The following SLC25A33 variants were observed in gnomAD, a reference collection of about 807,000 sequenced individuals.
The protein encoded by SLC25A33 is solute carrier family 25 member 33, also known as bone marrow stromal cell mitochondrial carrier protein.
A neutral mutation model predicts 35.5 loss-of-function variants in SLC25A33; 15 were observed. The observed-to-expected ratio is 0.42, with a 90% CI of 0.28 to 0.65. SLC25A33 has a LOEUF of 0.65. Ranked by LOEUF, SLC25A33 falls within the 30% of genes least tolerant of loss-of-function variation. The pLI, the probability that SLC25A33 is intolerant of heterozygous loss-of-function variation, is 0.20. For synonymous variants in SLC25A33, 136 were observed against 148.7 expected (o/e 0.91, Z 0.62); for missense variants, 257 against 398.5 (o/e 0.64, Z 3.02).
intron 2 of SLC25A33, among the ~76,000 whole-genome samples, chr1:9,561,477 G>T (rs1289051975): frequency 6.6e-6 from 1 of 152,010 alleles, no homozygotes; most frequent in Non-Finnish European, 1.5e-5. Context: ...AATGAGTCTG[G>T]ATCCTTCTGG....
At chr1:9,577,755 A>G (rs1643682863) in intron 5 of SLC25A33, among the ~76,000 whole-genome samples, 1 of 152,114 alleles carries the variant, frequency 6.6e-6, no homozygotes, top group Admixed American at 6.5e-5. Flanking sequence ...TTCAGCATTT[A>G]AGTTTGGAGA....
At chr1:9,571,120 A>T (rs183696555) in intron 4 of SLC25A33, among the ~76,000 whole-genome samples, 1 of 152,110 alleles carries the variant, frequency 6.6e-6, no homozygotes, top group African/African-American at 2.4e-5. Context: ...GGGTTATGCA[A>T]TGAGGGTGTA....
At chr1:9,567,409 C>T in intron 3 of SLC25A33, 48 bp downstream of exon 3, 2 of 1,543,300 alleles carry the variant, frequency 1.3e-6, no homozygotes, top group Non-Finnish European at 1.8e-6. Flanking sequence ...GTATGGAATT[C>T]TGGGTCCTTT....
Position 9,582,630 on chromosome 1 carries a change from G to A in SLC25A33, c.*129G>A. Reference sequence around the variant, plus strand: ...ATAAAATATCTGGTTCATATCACCTGTTGGACATTTCCTTTTGGATTCATG... The same window carrying A: ...ATAAAATATCTGGTTCATATCACCTATTGGACATTTCCTTTTGGATTCATG... On this transcript the variant is annotated 3_prime_UTR_variant, in exon 7 of 7. Transcript: ENST00000302692. The surrounding 1 kb of genome is among the most constrained non-coding windows in gnomAD (Gnocchi z 4.0). 1 of 826,608 alleles carries A rather than the reference G, an allele frequency of 1.2e-6. No individual in the cohort carries two copies. Among genetic ancestry groups the A allele is most frequent in the Non-Finnish European group, 1.9e-6 (1 of 539,200 alleles). 51.2% of individuals were successfully genotyped at this position (826,608 alleles called of 1,614,324 possible).
chr1:9,546,679 T>G (rs758827748), intron 1 of SLC25A33, among the ~76,000 whole-genome samples: 14 of 152,236 alleles, frequency 9.2e-5, no homozygotes, highest in Non-Finnish European at 1.5e-4. Context: ...GGTATACATT[T>G]TTTTTGACTA....
intron 5 of SLC25A33, chr1:9,576,659 G>A (rs1643664973): frequency 1.6e-6 from 1 of 624,508 alleles, no homozygotes; most frequent in South Asian, 1.4e-5. Context: ...ACGATCAAGG[G>A]TGTTACACTG....
In SLC25A33 at chr1:9,579,380, C is replaced by T. The variant is rs1002951187; in HGVS notation, c.483-574C>T. On this transcript the variant is annotated intron_variant, in intron 5 of 6. Transcript: ENST00000302692. ...TGTCTGGGCCTCCAGAGCTTCTGAA[C>T]GACCAGCTTCAAGTTGGGGTTCCCA... Among the ~76,000 whole-genome samples the T allele has an allele frequency of 4.0e-5, 6 of 149,770 alleles. 1 individual carries two copies. The highest frequency in any genetic ancestry group is 1.2e-4 in the African/African-American group (5 of 40,786).
chr1:9,561,210 T>C (rs1046430302), intron 2 of SLC25A33, among the ~76,000 whole-genome samples: 1 of 152,192 alleles, frequency 6.6e-6, no homozygotes, highest in Admixed American at 6.6e-5. Context: ...CCCAAAGTGC[T>C]GGGATTACAG....
At chr1:9,542,022 A>G (rs796754385) in intron 1 of SLC25A33, among the ~76,000 whole-genome samples, 11 of 151,786 alleles carry the variant, frequency 7.2e-5, no homozygotes, top group African/African-American at 2.7e-4. Context: ...GATGGTCTCG[A>G]TCTCCTGACC....
intron 5 of SLC25A33, among the ~76,000 whole-genome samples, chr1:9,579,653 A>AT (rs1278882850): frequency 6.6e-6 from 1 of 152,116 alleles, no homozygotes; most frequent in Non-Finnish European, 1.5e-5. Flanking sequence ...TGGAAGCTTC[A>AT]TGTCAGCAGC....
In SLC25A33 at chr1:9,573,977, G is replaced by T. The variant is rs538296246; in HGVS notation, c.482+565G>T. Among the ~76,000 whole-genome samples the T allele has an allele frequency of 1.5e-3, 227 of 149,926 alleles. 1 individual carries two copies. Among genetic ancestry groups the T allele is most frequent in the African/African-American group, 4.1e-3 (167 of 41,104 alleles). On this transcript the variant is annotated intron_variant, in intron 5 of 6. Transcript: ENST00000302692. ...GTTTTTTGAGTTTTTTTGTTTTTTT[G>T]TTGTTGTTGTTGTTGTTTTGTTTTT...
intron 2 of SLC25A33, among the ~76,000 whole-genome samples, 176 bp downstream of exon 2, chr1:9,553,981 G>C (rs1191573769): frequency 1.3e-5 from 2 of 152,084 alleles, no homozygotes; most frequent in African/African-American, 4.8e-5. Context: ...CCCTGGCAGC[G>C]GGGGGTCCCA....
intron 2 of SLC25A33, among the ~76,000 whole-genome samples, chr1:9,561,705 C>T (rs1019237022): frequency 2.0e-5 from 3 of 151,978 alleles, no homozygotes; most frequent in East Asian, 1.9e-4. Context: ...TATGGATGAG[C>T]GGCTTCAAGC....
rs1643778078 is a variant in SLC25A33 at position 9,584,065 on chromosome 1, GA to G, written c.*1565del. 2.6e-5 allele frequency: 4 copies of G among 151,584 alleles called. No individual in the cohort carries two copies. The highest frequency in any genetic ancestry group is 3.9e-4 in the East Asian group (2 of 5,162). 9.4% of individuals were successfully genotyped at this position (151,584 alleles called of 1,614,324 possible). A position where few individuals can be genotyped will look rare whatever the true frequency, so the allele number is the denominator to read the frequency against. On this transcript the variant is annotated 3_prime_UTR_variant, in exon 7 of 7. Coordinates refer to ENST00000302692, the MANE Select transcript of SLC25A33 (RefSeq NM_032315.3). ...AAATTTAATAAGGGAACAAAAAGATGATACTAAGAAGAAGGCAAGTAAAACC... is the reference window on the plus strand; with the variant it reads ...AAATTTAATAAGGGAACAAAAAGATGTACTAAGAAGAAGGCAAGTAAAACC...
At chr1:9,560,944 C>T (rs72646720) in intron 2 of SLC25A33, among the ~76,000 whole-genome samples, 3,002 of 150,810 alleles carry the variant, frequency 0.02, 40 homozygotes, top group Middle Eastern at 0.048. Flanking sequence ...ACTGCTGAGA[C>T]ACATTCTTTT....
chr1:9,552,212 G>A (rs1643275918), intron 1 of SLC25A33, among the ~76,000 whole-genome samples: 1 of 152,054 alleles, frequency 6.6e-6, no homozygotes, highest in Non-Finnish European at 1.5e-5. Flanking sequence ...ATTGTTGAAG[G>A]TGATTAATCA....
At chr1:9,566,770 TG>T (rs1199056777) in intron 2 of SLC25A33, among the ~76,000 whole-genome samples, 5 of 151,964 alleles carry the variant, frequency 3.3e-5, no homozygotes, top group Admixed American at 2.6e-4. Flanking sequence ...CGCTTCAACC[TG>T]GGGGGCGGAA....
chr1:9,571,601 C>T (rs1643591596), intron 4 of SLC25A33, among the ~76,000 whole-genome samples: 1 of 151,338 alleles, frequency 6.6e-6, no homozygotes, highest in African/African-American at 2.4e-5. Context: ...GTATAGAGTT[C>T]TATGTTCATT....
At chr1:9,545,896 G>A (rs1643159523) in intron 1 of SLC25A33, among the ~76,000 whole-genome samples, 3 of 151,682 alleles carry the variant, frequency 2.0e-5, no homozygotes, top group South Asian at 4.2e-4. Context: ...CCGGGAGGCG[G>A]AGCTTGCAGT....
Sources: gnomAD v4.1 joint callset for allele counts (sites outside exome capture counted in the v4.1 genomes callset) on GRCh38, gnomAD v4.1.1 for gene constraint, Gnocchi (gnomAD v3.1) non-coding constraint, MANE v1.5 for transcripts, NCBI Gene and HGNC (gene_info 2026-07-23, HGNC 2026-07-21) for gene names.